MYBL1: variants seen among roughly 807,000 people sequenced by gnomAD.
The protein encoded by MYBL1 is MYB proto-oncogene like 1.
MYBL1 carries 17 observed loss-of-function variants against 96.3 expected under a neutral mutation model. The ratio of observed to expected loss-of-function variants is 0.18; its 90% confidence interval spans 0.12 to 0.26. The LOEUF is 0.26. Among genes scored for constraint, MYBL1 ranks in the 10% least tolerant of loss-of-function variants. The probability of loss-of-function intolerance (pLI) is 1.00; values close to 1 mark genes in which losing one functional copy is unlikely to be tolerated. For missense variants in MYBL1, 701 were observed against 882.9 expected (o/e 0.79, Z 2.61); for synonymous variants, 282 against 292.7 (o/e 0.96, Z 0.37).
In MYBL1 at chr8:66,613,140, G is replaced by A; in HGVS notation, c.-302C>T. The stretch of plus-strand genomic sequence containing the variant: ...CGCCGGCTTCTCCCGCCGCTTGTCA[G>A]CCTCCCTGCCCTGGCCCCAGCCCGG... On this transcript the variant is annotated 5_prime_UTR_variant, in exon 1 of 16. Transcript: ENST00000522677. 2 of 402,260 alleles carry A rather than the reference G, an allele frequency of 5.0e-6. No homozygotes were observed. Among genetic ancestry groups the A allele is most frequent in the Non-Finnish European group, 8.8e-6 (2 of 227,488 alleles). 24.9% of individuals were successfully genotyped at this position (402,260 alleles called of 1,614,324 possible).
intron 3 of MYBL1, among the ~76,000 whole-genome samples, chr8:66,599,351 A>C (rs1324143912): frequency 6.6e-6 from 1 of 152,220 alleles, no homozygotes; most frequent in African/African-American, 2.4e-5. Context: ...GACTACAAAT[A>C]AAAACAATTT....
chr8:66,612,068 G>T (rs1013332723), intron 1 of MYBL1: 2 of 152,150 alleles, frequency 1.3e-5, no homozygotes, highest in African/African-American at 4.8e-5. Context: ...ACATTTTCCA[G>T]GCAAAGGTGG....
intron 1 of MYBL1, among the ~76,000 whole-genome samples, chr8:66,603,772 T>C (rs768483878): frequency 1.2e-4 from 19 of 152,142 alleles, no homozygotes; most frequent in Non-Finnish European, 2.1e-4. Context: ...ATCCCACGCT[T>C]GAGATTACAG....
chr8:66,570,400 C>G (rs1212970875), intron 12 of MYBL1, among the ~76,000 whole-genome samples: 5 of 151,508 alleles, frequency 3.3e-5, no homozygotes, highest in Non-Finnish European at 5.9e-5. Context: ...GCCTCCACTT[C>G]CCAGGCTCAA....
intron 1 of MYBL1, among the ~76,000 whole-genome samples, chr8:66,603,216 G>C (rs932249066): frequency 1.3e-5 from 2 of 152,050 alleles, no homozygotes; most frequent in African/African-American, 4.8e-5. Context: ...CAGATATCTT[G>C]TGTTTTAGAA....
rs1216846891 is a variant in MYBL1 at position 66,612,480 on chromosome 8, T to C, written c.20+339A>G. ...CCGGCAGGACACAGTCAGTTTTCTC[T>C]GCGTAGCGGACTCCCTAAAAGCGCT... On this transcript the variant is annotated intron_variant, in intron 1 of 15. Transcript: ENST00000522677. The C allele has an allele frequency of 1.2e-5, 4 of 326,366 alleles. No individual in the cohort carries two copies. In the Admixed American group the frequency reaches 1.5e-4, roughly 12 times the overall value. The allele number at this position is 326,366 out of a possible 1,614,324, so 20.2% of individuals were successfully genotyped here. A position where few individuals can be genotyped will look rare whatever the true frequency, so the allele number is the denominator to read the frequency against.
At chr8:66,577,197 T>C (rs1289366232) in intron 9 of MYBL1, among the ~76,000 whole-genome samples, 2 of 150,852 alleles carry the variant, frequency 1.3e-5, no homozygotes, top group Non-Finnish European at 3.0e-5. Flanking sequence ...TCACCACTCC[T>C]ATTCAACATA....
intron 4 of MYBL1, 104 bp from the exon 5 acceptor site, chr8:66,597,654 A>G (rs752908438): frequency 1.7e-5 from 12 of 711,092 alleles, no homozygotes; most frequent in Admixed American, 3.3e-5. Flanking sequence ...TCCAAGCCAC[A>G]ACTACAATTT....
intron 15 of MYBL1, 82 bp from the exon 16 acceptor site, chr8:66,564,907 T>G: frequency 1.2e-6 from 1 of 819,876 alleles, no homozygotes; most frequent in Non-Finnish European, 1.7e-6. Flanking sequence ...AGTCAGTTAT[T>G]TTAACTGATT....
Position 66,566,921 on chromosome 8 carries a change from G to T in MYBL1, c.1800C>A (p.Phe600Leu). The change falls in exon 13 of 16, where the codon TTC becomes TTA. Residue 600 changes from phenylalanine to leucine, a missense_variant. By Grantham distance (22) the Phe-to-Leu change is conservative. Around this residue, in one of 5 missense-constraint regions of MYBL1, gnomAD observed 63 missense variants for 109.2 expected, o/e 0.58. Transcript: ENST00000522677. ...VLKEETGTDL[F>L]LKEEDEPAYK... is the part of the protein sequence containing the mutation. Reference sequence around the variant, plus strand: ...AAGCAGGTTCATCTTCCTCTTTGAGGAATAGGTCTGTTCCAGTTTCTTCTT... The same window carrying T: ...AAGCAGGTTCATCTTCCTCTTTGAGTAATAGGTCTGTTCCAGTTTCTTCTT... 1 of 1,613,308 alleles carries T rather than the reference G, an allele frequency of 6.2e-7. No individual in the cohort carries two copies. Among genetic ancestry groups the T allele is most frequent in the Non-Finnish European group, 8.5e-7 (1 of 1,179,574 alleles).
At chr8:66,599,450 G>C (rs1242905779) in intron 3 of MYBL1, among the ~76,000 whole-genome samples, 1 of 152,118 alleles carries the variant, frequency 6.6e-6, no homozygotes, top group African/African-American at 2.4e-5. Context: ...TAAAGAAATG[G>C]ATTTAACACT....
rs574252215 is a variant in MYBL1, at chr8:66,582,666, C to T, written c.868-2300G>A. ...CTGGAAGGTCGAGGTTACAGAGAGCCAAGATCACAGCACTGTATTTCAGCC... is the reference window on the plus strand; with the variant it reads ...CTGGAAGGTCGAGGTTACAGAGAGCTAAGATCACAGCACTGTATTTCAGCC... On this transcript the variant is annotated intron_variant, in intron 8 of 15. Coordinates refer to ENST00000522677, the MANE Select transcript of MYBL1 (RefSeq NM_001080416.4). 1.1e-4 allele frequency among the ~76,000 whole-genome samples: 15 copies of T among 138,566 alleles called. No individual in the cohort carries two copies. The South Asian group carries it at 3.4e-3, about 32-fold the overall frequency. The allele number at this position is 138,566 out of a possible 152,430, so 90.9% of individuals were successfully genotyped here.
At chr8:66,585,568 T>C (rs1809384407) in intron 8 of MYBL1, among the ~76,000 whole-genome samples, 1 of 151,866 alleles carries the variant, frequency 6.6e-6, no homozygotes, top group South Asian at 2.1e-4. Context: ...TGGTGAAACC[T>C]CGTCTCTCCT....
chr8:66,603,988 G>A (rs972054616), intron 1 of MYBL1, among the ~76,000 whole-genome samples: 1 of 151,102 alleles, frequency 6.6e-6, no homozygotes, highest in African/African-American at 2.4e-5. Context: ...CAAGAAGAAT[G>A]GCAAGAAAAG....
chr8:66,576,846 G>C (rs1463446550), intron 9 of MYBL1, among the ~76,000 whole-genome samples: 1 of 152,052 alleles, frequency 6.6e-6, no homozygotes, highest in Non-Finnish European at 1.5e-5. Flanking sequence ...GTTATCTGTA[G>C]TACTGAAAAA....
chr8:66,569,721 G>A (rs1186544134), intron 12 of MYBL1, among the ~76,000 whole-genome samples: 1 of 152,110 alleles, frequency 6.6e-6, no homozygotes, highest in Non-Finnish European at 1.5e-5. Flanking sequence ...GAATACAAAT[G>A]TCCTAGAATA....
chr8:66,567,245 G>A (rs1184873270), intron 12 of MYBL1, among the ~76,000 whole-genome samples: 1 of 152,108 alleles, frequency 6.6e-6, no homozygotes, highest in Non-Finnish European at 1.5e-5. Context: ...AACCACTGTA[G>A]CTCCTGCTTC....
chr8:66,572,084 G>GA (rs1808754926), intron 12 of MYBL1, among the ~76,000 whole-genome samples: 1 of 151,588 alleles, frequency 6.6e-6, no homozygotes. Flanking sequence ...CGAGGTGGGG[G>GA]GGAGGGGGGT....
At chr8:66,577,263 A>G (rs1471288893) in intron 9 of MYBL1, among the ~76,000 whole-genome samples, 1 of 149,970 alleles carries the variant, frequency 6.7e-6, no homozygotes, top group African/African-American at 2.5e-5. Context: ...AAGGGTATTC[A>G]ATTAGGAAAA....
Sources: allele counts gnomAD v4.1 joint callset (sites outside exome capture counted in the v4.1 genomes callset), GRCh38; gene constraint gnomAD v4.1.1; regional missense constraint gnomAD v4.1.1; transcripts MANE v1.5; gene names NCBI Gene and HGNC (gene_info 2026-07-23, HGNC 2026-07-21).